Variants in EFTUD2 observed in about 807,000 individuals in gnomAD.
EFTUD2 encodes elongation factor Tu GTP binding domain containing 2.
In EFTUD2, 9 loss-of-function variants were observed where a neutral mutation model predicts 114.3. That is an observed-to-expected ratio of 0.08 (90% CI 0.05 to 0.14). The LOEUF (loss-of-function observed/expected upper bound fraction) is 0.14. EFTUD2 is among the 10% of genes least tolerant of loss of function. The probability of loss-of-function intolerance (pLI) is 1.00; values close to 1 mark genes in which losing one functional copy is unlikely to be tolerated. For missense variants in EFTUD2, 765 were observed against 1,241.2 expected (o/e 0.62, Z 5.76); for synonymous variants, 449 against 462.3 (o/e 0.97, Z 0.37).
intron 11 of EFTUD2, among the ~76,000 whole-genome samples, chr17:44,868,973 T>G (rs1328699960): frequency 6.6e-6 from 1 of 152,194 alleles, no homozygotes; most frequent in East Asian, 1.9e-4. Context: ...AGTCAAGACG[T>G]TGGGTGACAT....
chr17:44,881,767 C>G lies in EFTUD2; in HGVS notation c.493-45G>C, dbSNP rs200149489. 5.0e-5 allele frequency: 80 copies of G among 1,586,174 alleles called. No individual in the cohort carries two copies. The African/African-American group carries it at 9.7e-4, about 19-fold the overall frequency. On this transcript the variant is annotated intron_variant, in intron 6 of 27. Coordinates refer to ENST00000426333, the MANE Select transcript of EFTUD2 (RefSeq NM_004247.4). ...TGTTACCACCTGAGTTGAGACTGCTCTCCCACAAACGAACCATCAATCACT... is the reference window on the plus strand; with the variant it reads ...TGTTACCACCTGAGTTGAGACTGCTGTCCCACAAACGAACCATCAATCACT...
chr17:44,875,141 G>A (rs1363717270), intron 10 of EFTUD2, among the ~76,000 whole-genome samples: 2 of 152,006 alleles, frequency 1.3e-5, no homozygotes, highest in Non-Finnish European at 2.9e-5. Flanking sequence ...CAAGGTGGAA[G>A]AATTGCTTGA....
chr17:44,858,985 T>A, intron 19 of EFTUD2, 95 bp downstream of exon 19: 1 of 842,480 alleles, frequency 1.2e-6, no homozygotes, highest in South Asian at 1.4e-5. Context: ...ACACATGTAC[T>A]CTCTCTTCCC....
intron 4 of EFTUD2, among the ~76,000 whole-genome samples, chr17:44,885,006 C>T (rs2051141553): frequency 6.6e-6 from 1 of 152,330 alleles, no homozygotes; most frequent in African/African-American, 2.4e-5. Context: ...ACCCAGATCT[C>T]TCTTGAAGGC....
At position 44,851,143 on chromosome 17, in the gene EFTUD2, T is replaced by C. The variant is rs1363313096; in HGVS notation, c.*131A>G. On this transcript the variant is annotated 3_prime_UTR_variant, in exon 28 of 28. Transcript: ENST00000426333. ...GGCTCTGGGTTGGAGGTTGGTGAGT[T>C]GTTCAAGATGGCAACAGCAGCTTCC... 9.4e-6 allele frequency: 7 copies of C among 744,742 alleles called. No homozygotes were observed. The highest frequency in any genetic ancestry group is 1.6e-5 in the Non-Finnish European group (7 of 425,292). The allele number at this position is 744,742 out of a possible 1,614,324, so 46.1% of individuals were successfully genotyped here.
At chr17:44,883,563 C>T (rs921187712) in intron 5 of EFTUD2, 86 bp downstream of exon 5, 1 of 1,302,914 alleles carries the variant, frequency 7.7e-7, no homozygotes, top group African/African-American at 1.5e-5. Context: ...TGACCTCAAA[C>T]CTCAACCGCT....
chr17:44,883,620 G>A, intron 5 of EFTUD2, 29 bp downstream of exon 5: 1 of 1,601,728 alleles, frequency 6.2e-7, no homozygotes, highest in Non-Finnish European at 8.6e-7. Flanking sequence ...GAGAAATCCT[G>A]TTCCAAGTAG....
chr17:44,853,723 A>C, intron 23 of EFTUD2, 88 bp from the exon 24 acceptor site: 1 of 1,579,708 alleles, frequency 6.3e-7, no homozygotes, highest in South Asian at 1.1e-5. Flanking sequence ...GCAACACTGC[A>C]GCTGTCTTGC....
chr17:44,883,539 G>A (rs1166482151), intron 5 of EFTUD2, 110 bp downstream of exon 5: 2 of 1,007,924 alleles, frequency 2.0e-6, no homozygotes, highest in African/African-American at 3.2e-5. Context: ...CCCTAGTCAG[G>A]AGGTTGAGCC....
rs767742307 is a variant in EFTUD2, at chr17:44,864,937, C to T, written c.1278G>A (p.Glu426=). 4.3e-6 allele frequency: 7 copies of T among 1,613,992 alleles called. No individual in the cohort carries two copies. Among genetic ancestry groups the T allele is most frequent in the Non-Finnish European group, 5.1e-6 (6 of 1,180,022 alleles). The part of the protein sequence containing the change: ...LRLVCKKFFG[E]FTGFVDMCVQ... The stretch of plus-strand genomic sequence containing the variant: ...CCACGAGCACATTATTACCTGTGAA[C>T]TCGCCAAAGAACTTTTTGCAGACCA... Residue 426 remains glutamate (E), a synonymous_variant, in exon 14 of 28, where the codon GAG becomes GAA. Coordinates refer to ENST00000426333, the MANE Select transcript of EFTUD2 (RefSeq NM_004247.4).
Position 44,872,759 on chromosome 17 carries a change from A to G in EFTUD2, c.870-189T>C, listed in dbSNP as rs73986409. The stretch of plus-strand genomic sequence containing the variant: ...GATGGAGCTGTTCCCCTAATTCCCA[A>G]TAACAAGTTGATTTCCCAGAGCTGG... On this transcript the variant is annotated intron_variant, in intron 10 of 27. Transcript: ENST00000426333. The G allele has an allele frequency of 3.3e-3, 1,693 of 506,740 alleles. 20 individuals carry two copies. The highest frequency in any genetic ancestry group is 0.03 in the African/African-American group (1,481 of 49,662). 31.4% of individuals were successfully genotyped at this position (506,740 alleles called of 1,614,324 possible). A position where few individuals can be genotyped will look rare whatever the true frequency, so the allele number is the denominator to read the frequency against.
rs185789160 is a variant in EFTUD2 at position 44,867,551 on chromosome 17, C to T, written c.1149+256G>A. ...CTGAGCTCAGGCAATCTGCCCACCTCGGCCTCCCAAAGTGCTAGGATTACA... is the reference window on the plus strand; with the variant it reads ...CTGAGCTCAGGCAATCTGCCCACCTTGGCCTCCCAAAGTGCTAGGATTACA... On this transcript the variant is annotated intron_variant, in intron 13 of 27. Coordinates refer to ENST00000426333, the MANE Select transcript of EFTUD2 (RefSeq NM_004247.4). Among the ~76,000 whole-genome samples, 27 of 152,066 alleles carry T rather than the reference C, an allele frequency of 1.8e-4. 1 individual carries two copies. The East Asian group carries it at 2.3e-3, about 13-fold the overall frequency.
At chr17:44,857,920 C>CTTTTTTTTTTTTTTTTTTTT (rs528299306) in intron 19 of EFTUD2, among the ~76,000 whole-genome samples, 1 of 127,496 alleles carries the variant, frequency 7.8e-6, no homozygotes, top group Non-Finnish European at 1.6e-5. Flanking sequence ...TTTCTTTTTC[C>CTTTTTTTTTTTTTTTTTTTT]TTTTTTTTTT....
At chr17:44,855,582 CA>C (rs908803550) in intron 20 of EFTUD2, among the ~76,000 whole-genome samples, 1 of 149,048 alleles carries the variant, frequency 6.7e-6, no homozygotes, top group Non-Finnish European at 1.5e-5. Flanking sequence ...CAAAACAGAA[CA>C]AAAAAAAACC....
Position 44,881,273 on chromosome 17 carries a change from AG to A in EFTUD2, c.528+413del, listed in dbSNP as rs2051067750. ...GACAAAAAGAGAAACACAAAGATAT[AG>A]GAACCCATTTTCAAAGAGAAGCTAC... On this transcript the variant is annotated intron_variant, in intron 7 of 27. Coordinates refer to ENST00000426333, the MANE Select transcript of EFTUD2 (RefSeq NM_004247.4). Among the ~76,000 whole-genome samples, 4 of 152,384 alleles carry A rather than the reference AG, an allele frequency of 2.6e-5. No individual in the cohort carries two copies. In the South Asian group the frequency reaches 8.3e-4, roughly 32 times the overall value.
intron 19 of EFTUD2, chr17:44,857,491 G>A (rs1031743604): frequency 1.3e-5 from 4 of 301,794 alleles, no homozygotes; most frequent in African/African-American, 8.6e-5. Context: ...CCATGGGTCT[G>A]ACAGAGCTGG....
chr17:44,871,513 G>T (rs1329175698), intron 11 of EFTUD2, among the ~76,000 whole-genome samples: 4 of 151,338 alleles, frequency 2.6e-5, no homozygotes, highest in Non-Finnish European at 5.9e-5. Context: ...TAATTTTTTT[G>T]CATTTTTAGT....
At chr17:44,872,082 C>T (rs759177179) in intron 11 of EFTUD2, among the ~76,000 whole-genome samples, 11 of 152,180 alleles carry the variant, frequency 7.2e-5, no homozygotes, top group African/African-American at 1.9e-4. Context: ...TGCCTCCATA[C>T]GGCTGGCTAG....
intron 2 of EFTUD2, among the ~76,000 whole-genome samples, chr17:44,893,526 C>T (rs1438744038): frequency 1.3e-5 from 2 of 152,164 alleles, no homozygotes; most frequent in African/African-American, 4.8e-5. Flanking sequence ...GGGAATTATT[C>T]ATGACTGTTA....
Sources: gnomAD v4.1 joint callset for allele counts (sites outside exome capture counted in the v4.1 genomes callset) on GRCh38, gnomAD v4.1.1 for gene constraint, MANE v1.5 for transcripts, NCBI Gene and HGNC (gene_info 2026-07-23, HGNC 2026-07-21) for gene names.